The following SLC10A1 variants were observed in gnomAD, a reference collection of about 807,000 sequenced individuals.
The protein encoded by SLC10A1 is hepatic sodium/bile acid cotransporter.
SLC10A1 carries 36 observed loss-of-function variants against 20.5 expected under a neutral mutation model. That is an observed-to-expected ratio of 1.75 (90% CI 1.34 to 2.32). SLC10A1 has a LOEUF of 2.32. SLC10A1 is among the 30% of genes most tolerant of loss of function. The probability of loss-of-function intolerance (pLI) is 0.00; values close to 1 mark genes in which losing one functional copy is unlikely to be tolerated. For missense variants in SLC10A1, 545 were observed against 439.1 expected (o/e 1.24, Z -2.16); for synonymous variants, 188 against 163.6 (o/e 1.15, Z -1.14).
rs988500618 is a variant in SLC10A1, at chr14:69,779,186, C to A, written c.742G>T (p.Gly248Ter). The change falls in exon 3 of 5, where the codon GGA (glycine) becomes TGA (stop). Residue 248 changes from glycine (G) to a stop codon, truncating the protein, a stop_gained. Coordinates refer to ENST00000216540, the MANE Select transcript of SLC10A1 (RefSeq NM_003049.4). LOFTEE classifies it high-confidence loss of function. ...AAAAAAAAAAAAAATACCTACCGTC[C>A]ATTGAGGCAGAAGAGAGCAGAGAGA... is the stretch of plus-strand genomic sequence containing the variant. Reference protein sequence around the residue: ...YVLSALFCLNGRCRRTVSMET... With the variant: ...YVLSALFCLN 4 of 1,589,052 alleles carry A rather than the reference C, an allele frequency of 2.5e-6. No individual in the cohort carries two copies. Among genetic ancestry groups the A allele is most frequent in the Admixed American group, 1.8e-5 (1 of 54,316 alleles).
chr14:69,779,942 A>G (rs969024966), intron 2 of SLC10A1, among the ~76,000 whole-genome samples: 1 of 152,224 alleles, frequency 6.6e-6, no homozygotes, highest in Non-Finnish European at 1.5e-5. Flanking sequence ...ATTTGTCTCA[A>G]ATACCTTGAT....
rs186957134 is a variant in SLC10A1, at chr14:69,785,969, A to G, written c.567+128T>C. On this transcript the variant is annotated intron_variant, in intron 2 of 4. Transcript: ENST00000216540. Reference sequence around the variant, plus strand: ...TGGTGACAGTGAATCCTTAGAGTGCATAGCATAAAACTTAGCATCTAGTAG... The same window carrying G: ...TGGTGACAGTGAATCCTTAGAGTGCGTAGCATAAAACTTAGCATCTAGTAG... The G allele has an allele frequency of 3.2e-5, 22 of 691,986 alleles. No individual in the cohort carries two copies. The East Asian group carries it at 5.7e-4, about 18-fold the overall frequency. 42.9% of individuals were successfully genotyped at this position (691,986 alleles called of 1,614,324 possible). A position where few individuals can be genotyped will look rare whatever the true frequency, so the allele number is the denominator to read the frequency against.
At chr14:69,793,640 T>C (rs1312284338) in intron 1 of SLC10A1, among the ~76,000 whole-genome samples, 1 of 152,178 alleles carries the variant, frequency 6.6e-6, no homozygotes, top group African/African-American at 2.4e-5. Context: ...TTGAGCTTCC[T>C]ACATCATGGC....
intron 1 of SLC10A1, among the ~76,000 whole-genome samples, chr14:69,790,083 T>A (rs574748990): frequency 6.6e-6 from 1 of 152,266 alleles, no homozygotes; most frequent in East Asian, 1.9e-4. Flanking sequence ...TTTCATACTT[T>A]CATTTTTAAC....
Position 69,796,839 on chromosome 14 carries a change from T to A in SLC10A1, c.317A>T (p.Asn106Ile). Residue 106 changes from asparagine (N) to isoleucine (I), a missense_variant, in exon 1 of 5, where the codon AAT (asparagine) becomes ATT (isoleucine). By Grantham distance (149) the Asn-to-Ile change is moderately radical (BLOSUM62 -3). Coordinates refer to ENST00000216540, the MANE Select transcript of SLC10A1 (RefSeq NM_003049.4). ...CCCCTTCATGGCCAGACTGAAGACA[T>A]TGGACAGGTTCCCTCCAGGTGAGCA... Reference protein sequence around the residue: ...CGCSPGGNLSNVFSLAMKGDM... With the variant: ...CGCSPGGNLSIVFSLAMKGDM... The A allele has an allele frequency of 6.2e-7, 1 of 1,614,136 alleles. No homozygotes were observed. Among genetic ancestry groups the A allele is most frequent in the Non-Finnish European group, 8.5e-7 (1 of 1,180,032 alleles).
rs57640458 is a variant in SLC10A1, at chr14:69,794,762, G to C, written c.356+2038C>G. 9.6e-3 allele frequency among the ~76,000 whole-genome samples: 1,468 copies of C among 152,150 alleles called. 24 individuals are homozygous for C. The highest frequency in any genetic ancestry group is 0.033 in the African/African-American group (1,383 of 41,546). ...ATGGCAGAAGGTGGCTGTCCCAGCA[G>C]AGCTTATCTCTTGTGGGGGTCTAGG... On this transcript the variant is annotated intron_variant, in intron 1 of 4. Transcript: ENST00000216540.
chr14:69,786,928 T>C (rs1390159994), intron 1 of SLC10A1, among the ~76,000 whole-genome samples: 1 of 152,076 alleles, frequency 6.6e-6, no homozygotes, highest in Non-Finnish European at 1.5e-5. Context: ...CAGGCAGAAG[T>C]CAAAAACCCT....
chr14:69,778,405 T>C lies in SLC10A1; in HGVS notation c.871A>G (p.Ile291Val). The change falls in exon 4 of 5, where the codon ATT (isoleucine) becomes GTT (valine). Residue 291 changes from isoleucine to valine, a missense_variant. By Grantham distance (29) the Ile-to-Val change is conservative. Coordinates refer to ENST00000216540, the MANE Select transcript of SLC10A1 (RefSeq NM_003049.4). ...AGAAGCCCTTCTCCAAGCTGGAAAATCATGTAGAGGAGGGGAAAGAAGAAA... is the reference window on the plus strand; with the variant it reads ...AGAAGCCCTTCTCCAAGCTGGAAAACCATGTAGAGGAGGGGAAAGAAGAAA... Reference protein sequence around the residue: ...PLFFFPLLYMIFQLGEGLLLI... With the variant: ...PLFFFPLLYMVFQLGEGLLLI... 6.2e-7 allele frequency: 1 copy of C among 1,613,646 alleles called. No individual in the cohort carries two copies. The highest frequency in any genetic ancestry group is 2.2e-5 in the East Asian group (1 of 44,864).
At chr14:69,785,315 C>T (rs1883686576) in intron 2 of SLC10A1, among the ~76,000 whole-genome samples, 1 of 152,200 alleles carries the variant, frequency 6.6e-6, no homozygotes, top group Non-Finnish European at 1.5e-5. Flanking sequence ...CACTCCACTT[C>T]CCACCCCATC....
intron 2 of SLC10A1, among the ~76,000 whole-genome samples, chr14:69,781,588 G>C (rs1442960524): frequency 1.3e-5 from 2 of 152,230 alleles, no homozygotes; most frequent in African/African-American, 4.8e-5. Context: ...AGACAAAGGA[G>C]AGTTAGGGGT....
rs1361485660 is a variant in SLC10A1, at chr14:69,776,304, T to G, written c.1028A>C (p.Asp343Ala). The change falls in exon 5 of 5, where the codon GAC (aspartate) becomes GCC (alanine). Residue 343 changes from aspartate (D) to alanine (A), a missense_variant. Transcript: ENST00000216540. ...ALGNGTYKGE[D>A]CSPCTA ...GGGCTAGGCTGTGCAAGGGGAGCAG[T>G]CCTCCCCTTTGTAGGTGCCATTTCC... 2.5e-6 allele frequency: 4 copies of G among 1,613,340 alleles called. No homozygotes were observed. In the Admixed American group the frequency reaches 5.0e-5, roughly 20 times the overall value.
intron 4 of SLC10A1, 147 bp downstream of exon 4, chr14:69,778,186 T>A (rs536217786): frequency 3.4e-6 from 2 of 593,706 alleles, no homozygotes; most frequent in Admixed American, 2.8e-5. Context: ...TAATGCTTCT[T>A]GGGTGCTTCT....
intron 1 of SLC10A1, among the ~76,000 whole-genome samples, chr14:69,791,458 G>A (rs1326274765): frequency 6.6e-6 from 1 of 151,980 alleles, no homozygotes. Flanking sequence ...CCGCCACCAC[G>A]CCCAGCTAAT....
Position 69,786,208 on chromosome 14 carries a change from G to T in SLC10A1, c.456C>A (p.Asp152Glu), listed in dbSNP as rs752729954. Residue 152 changes from aspartate (D) to glutamate (E), a missense_variant, in exon 2 of 5, where the codon GAC becomes GAA. By Grantham distance (45) the Asp-to-Glu change is conservative. Coordinates refer to ENST00000216540, the MANE Select transcript of SLC10A1 (RefSeq NM_003049.4). ...TCACGATGCCTTTATAGGGCACCTTGTCCTTCAGGTCCCCATCATAGATCC... is the reference window on the plus strand; with the variant it reads ...TCACGATGCCTTTATAGGGCACCTTTTCCTTCAGGTCCCCATCATAGATCC... Reference protein sequence around the residue: ...SRGIYDGDLKDKVPYKGIVIS... With the variant: ...SRGIYDGDLKEKVPYKGIVIS... The T allele has an allele frequency of 8.1e-6, 13 of 1,613,694 alleles. No individual in the cohort carries two copies. In the Admixed American group the frequency reaches 1.5e-4, roughly 19 times the overall value.
chr14:69,789,565 G>C (rs1427028428), intron 1 of SLC10A1, among the ~76,000 whole-genome samples: 15 of 152,140 alleles, frequency 9.9e-5, no homozygotes, highest in Admixed American at 9.8e-4. Context: ...CTGCTAAATG[G>C]GATGGAGTTC....
At chr14:69,784,004 A>G (rs565119242) in intron 2 of SLC10A1, among the ~76,000 whole-genome samples, 36 of 152,312 alleles carry the variant, frequency 2.4e-4, no homozygotes, top group African/African-American at 7.9e-4. Context: ...TCAGATAGAA[A>G]GACCTGGTAG....
rs4646291 is a variant in SLC10A1, at chr14:69,779,160, TAAAAAA to T, written c.746+16_746+21del. ...TGGGCAACAGAGTGAGACCCTTTCT[TAAAAAA>T]AAAAAAAATACCTACCGTCCATTGA... On this transcript the variant is annotated intron_variant, in intron 3 of 4. Coordinates refer to ENST00000216540, the MANE Select transcript of SLC10A1 (RefSeq NM_003049.4). The T allele has an allele frequency of 3.9e-5, 55 of 1,397,508 alleles. No homozygotes were observed. The highest frequency in any genetic ancestry group is 5.1e-5 in the Non-Finnish European group (53 of 1,034,410). The allele number at this position is 1,397,508 out of a possible 1,614,324, so 86.6% of individuals were successfully genotyped here.
At chr14:69,782,286 G>C (rs1382809908) in intron 2 of SLC10A1, among the ~76,000 whole-genome samples, 1 of 152,172 alleles carries the variant, frequency 6.6e-6, no homozygotes, top group East Asian at 1.9e-4. Flanking sequence ...ACTAGTCTCT[G>C]TTTTTCCAGC....
chr14:69,783,728 G>C (rs1265703950), intron 2 of SLC10A1, among the ~76,000 whole-genome samples: 1 of 152,222 alleles, frequency 6.6e-6, no homozygotes, highest in East Asian at 1.9e-4. Context: ...GGTTAGAACT[G>C]GGTGAGGAGG....
Sources: gnomAD v4.1 joint callset for allele counts (sites outside exome capture counted in the v4.1 genomes callset) on GRCh38, gnomAD v4.1.1 for gene constraint, MANE v1.5 for transcripts, NCBI Gene and HGNC (gene_info 2026-07-23, HGNC 2026-07-21) for gene names.